AKR1C2: variants seen among roughly 807,000 people sequenced by gnomAD.
The protein encoded by AKR1C2 is aldo-keto reductase family 1 member C2, also known as 3-alpha-HSD3.
In AKR1C2, 27 loss-of-function variants were observed where a neutral mutation model predicts 39.8. That is an observed-to-expected ratio of 0.68 (90% CI 0.50 to 0.93). The LOEUF is 0.93. Among genes scored for constraint, AKR1C2 ranks in the 40% least tolerant of loss-of-function variants. The pLI is 0.00. For synonymous variants in AKR1C2, 114 were observed against 137.9 expected (o/e 0.83, Z 1.22); for missense variants, 263 against 365.1 (o/e 0.72, Z 2.28).
At chr10:4,994,452 C>T (rs1367166811) in intron 7 of AKR1C2, among the ~76,000 whole-genome samples, 1 of 152,108 alleles carries the variant, frequency 6.6e-6, no homozygotes, top group Non-Finnish European at 1.5e-5. Flanking sequence ...CCCCTTGAGT[C>T]TGACCTGTCC....
upstream of AKR1C2, among the ~76,000 whole-genome samples, chr10:5,008,275 G>GCA (rs1837447166): frequency 8.2e-6 from 1 of 121,898 alleles, no homozygotes; most frequent in Non-Finnish European, 1.9e-5. Flanking sequence ...CAGACCCTGA[G>GCA]CAGGTTTCTT....
intron 1 of AKR1C2, among the ~76,000 whole-genome samples, chr10:5,017,274 C>T (rs1196958028): frequency 1.3e-5 from 2 of 152,190 alleles, no homozygotes; most frequent in Non-Finnish European, 2.9e-5. Flanking sequence ...GTTATTCAAA[C>T]ATTTATCTTC....
At chr10:4,991,333 A>C (rs1431206935) in intron 8 of AKR1C2, among the ~76,000 whole-genome samples, 1 of 152,096 alleles carries the variant, frequency 6.6e-6, no homozygotes. Flanking sequence ...TGAAATGATT[A>C]AAAATGCTAA....
chr10:4,988,200 C>CA lies in AKR1C2; in HGVS notation c.*1795dup, dbSNP rs782698003. On this transcript the variant is annotated 3_prime_UTR_variant, in exon 9 of 9. Coordinates refer to ENST00000380753, the MANE Select transcript of AKR1C2 (RefSeq NM_001393392.1). ...TACACACTTGGCTACGAAGTTTTAA[C>CA]AAAATGTCAATCTTTTCTTGACACT... The CA allele has an allele frequency of 6.6e-5, 10 of 152,132 alleles. No individual in the cohort carries two copies. Among genetic ancestry groups the CA allele is most frequent in the Admixed American group, 1.3e-4 (2 of 15,264 alleles). The allele number at this position is 152,132 out of a possible 1,614,324, so 9.4% of individuals were successfully genotyped here.
At chr10:5,001,721 G>T (rs1554773864) in intron 1 of AKR1C2, 40 bp from the exon 2 acceptor site, 2 of 1,611,116 alleles carry the variant, frequency 1.2e-6, no homozygotes, top group East Asian at 2.2e-5. Context: ...TGACTAATGT[G>T]CCTGAGAGTT....
At chr10:5,011,085 G>A (rs1247843464) in intron 1 of AKR1C2, among the ~76,000 whole-genome samples, 1 of 150,932 alleles carries the variant, frequency 6.6e-6, no homozygotes, top group African/African-American at 2.4e-5. Flanking sequence ...ACACAATTGG[G>A]AAAAATAATT....
intron 4 of AKR1C2, 41 bp from the exon 5 acceptor site, chr10:4,998,788 C>T (rs782785831): frequency 6.2e-7 from 1 of 1,611,010 alleles, no homozygotes; most frequent in Non-Finnish European, 8.5e-7. Context: ...GTGTAGTCGA[C>T]TGAAGAGCAA....
chr10:4,990,582 A>C (rs1281214316), intron 8 of AKR1C2, among the ~76,000 whole-genome samples: 1 of 152,214 alleles, frequency 6.6e-6, no homozygotes, highest in Non-Finnish European at 1.5e-5. Context: ...ATAGGGCCCA[A>C]TATTCAAAGA....
chr10:4,993,613 T>C (rs1183997073), intron 7 of AKR1C2, among the ~76,000 whole-genome samples: 1 of 152,040 alleles, frequency 6.6e-6, no homozygotes, highest in African/African-American at 2.4e-5. Context: ...GAAAGAGGCA[T>C]GAAAAATTAG....
intron 1 of AKR1C2, among the ~76,000 whole-genome samples, chr10:5,002,880 A>C (rs1837314428): frequency 6.6e-6 from 1 of 152,152 alleles, no homozygotes; most frequent in Non-Finnish European, 1.5e-5. Flanking sequence ...ATGCCAATTT[A>C]TATTACAAAA....
At chr10:5,006,807 T>G (rs1271544282), upstream of AKR1C2, among the ~76,000 whole-genome samples, 4 of 151,672 alleles carry the variant, frequency 2.6e-5, no homozygotes, top group African/African-American at 7.3e-5. Context: ...TTCGGAGTTT[T>G]GCACTGTCAC....
intron 1 of AKR1C2, among the ~76,000 whole-genome samples, chr10:5,002,001 T>A (rs548505168): frequency 6.6e-6 from 1 of 152,248 alleles, no homozygotes; most frequent in South Asian, 2.1e-4. Flanking sequence ...TCTTAATTAT[T>A]TTTAGTATGG....
intron 3 of AKR1C2, chr10:4,999,568 C>A (rs1285640434): frequency 6.4e-6 from 2 of 312,206 alleles, no homozygotes; most frequent in African/African-American, 4.4e-5. Context: ...CTATAATTTT[C>A]TCTGTGGCAA....
chr10:5,003,801 T>A lies in AKR1C2; in HGVS notation c.35A>T (p.Asp12Val), dbSNP rs369850920. The change falls in exon 1 of 9, where the codon GAT becomes GTT. Residue 12 changes from aspartate to valine, a missense_variant. Asp to Val is a radical substitution (Grantham distance 152, BLOSUM62 -3). This residue lies in a region of AKR1C2 where 247 missense variants were observed against 267.9 expected (regional missense o/e 0.92). Coordinates refer to ENST00000380753, the MANE Select transcript of AKR1C2 (RefSeq NM_001393392.1). ...TCCCAGGACAGGCATGAAGTGACCA[T>A]CATTCAGCTTCACACACTGGTATTT... ...DSKYQCVKLN[D>V]GHFMPVLGFG... is the part of the protein sequence containing the mutation. 3 of 1,613,992 alleles carry A rather than the reference T, an allele frequency of 1.9e-6. No individual in the cohort carries two copies. The African/African-American group carries it at 4.0e-5, about 22-fold the overall frequency.
At chr10:5,017,444 A>G (rs1588314345) in intron 1 of AKR1C2, among the ~76,000 whole-genome samples, 1 of 152,182 alleles carries the variant, frequency 6.6e-6, no homozygotes, top group East Asian at 1.9e-4. Flanking sequence ...GCTCAAAGTG[A>G]CACAGATCTC....
chr10:5,000,535 A>T lies in AKR1C2; in HGVS notation c.369+15T>A. The T allele has an allele frequency of 2.5e-6, 4 of 1,613,618 alleles. No homozygotes were observed. The highest frequency in any genetic ancestry group is 1.7e-4 in the Middle Eastern group (1 of 6,056). Reference sequence around the variant, plus strand: ...GAACAAAAGTGAAATTAATTTGATCACACAAGCTGCCTACCTTTACAGACA... The same window carrying T: ...GAACAAAAGTGAAATTAATTTGATCTCACAAGCTGCCTACCTTTACAGACA... On this transcript the variant is annotated intron_variant, in intron 3 of 8. Transcript: ENST00000380753.
In AKR1C2 at chr10:4,999,899, GT is replaced by G. The variant is rs541140261; in HGVS notation, c.370-623del. ...GGTGGAGAAAGGATATATTTTTAGA[GT>G]TTTTATCAAATTCTTAATGTAGCCC... On this transcript the variant is annotated intron_variant, in intron 3 of 8. Coordinates refer to ENST00000380753, the MANE Select transcript of AKR1C2 (RefSeq NM_001393392.1). 2.4e-4 allele frequency: 218 copies of G among 911,732 alleles called. No individual in the cohort carries two copies. In the East Asian group the frequency reaches 0.017, roughly 73 times the overall value. The allele number at this position is 911,732 out of a possible 1,614,324, so 56.5% of individuals were successfully genotyped here.
chr10:5,004,505 A>G (rs1837357481), upstream of AKR1C2, among the ~76,000 whole-genome samples: 1 of 152,144 alleles, frequency 6.6e-6, no homozygotes, highest in Non-Finnish European at 1.5e-5. Flanking sequence ...TTATTGGAAG[A>G]TTTCTTATTA....
In AKR1C2 at chr10:4,998,899, T is replaced by C. The variant is rs1330285201; in HGVS notation, c.448-152A>G. On this transcript the variant is annotated intron_variant, in intron 4 of 8. Coordinates refer to ENST00000380753, the MANE Select transcript of AKR1C2 (RefSeq NM_001393392.1). ...AAAGGGAGAAAATAAAACAGAAAAA[T>C]TGGGGAAGAAGATAGTGATTGCAAG... 4.1e-5 allele frequency: 57 copies of C among 1,385,654 alleles called. No homozygotes were observed. The African/African-American group carries it at 5.1e-4, about 12-fold the overall frequency. The allele number at this position is 1,385,654 out of a possible 1,614,324, so 85.8% of individuals were successfully genotyped here.
Sources: allele counts gnomAD v4.1 joint callset (sites outside exome capture counted in the v4.1 genomes callset), GRCh38; gene constraint gnomAD v4.1.1; regional missense constraint gnomAD v4.1.1; transcripts MANE v1.5; gene names NCBI Gene and HGNC (gene_info 2026-07-23, HGNC 2026-07-21).